Variants in PXDNL observed in about 807,000 individuals in gnomAD.
The protein encoded by PXDNL is peroxidasin like, also known as probable oxidoreductase PXDNL.
A neutral mutation model predicts 150.8 loss-of-function variants in PXDNL; 145 were observed. That is an observed-to-expected ratio of 0.96 (90% CI 0.84 to 1.10). The LOEUF (loss-of-function observed/expected upper bound fraction) is 1.10, where lower values mean the gene tolerates loss of function less well. PXDNL is among the 50% of genes least tolerant of loss of function. PXDNL has a pLI of 0.00. For synonymous variants in PXDNL, 757 were observed against 725.7 expected (o/e 1.04, Z -0.69); for missense variants, 2,087 against 1,873.9 (o/e 1.11, Z -2.10).
At chr8:51,668,413 G>T (rs1195244722) in intron 1 of PXDNL, among the ~76,000 whole-genome samples, 20 of 151,994 alleles carry the variant, frequency 1.3e-4, no homozygotes, top group Admixed American at 1.3e-3. Flanking sequence ...GACCTCAAGT[G>T]ATCCAGCTGC....
At chr8:51,481,918 C>A (rs1029380019) in intron 6 of PXDNL, among the ~76,000 whole-genome samples, 3 of 152,192 alleles carry the variant, frequency 2.0e-5, no homozygotes, top group African/African-American at 7.2e-5. Flanking sequence ...TCATGGAGAA[C>A]CTCTGCCAGG....
At chr8:51,327,013 A>G (rs1805518909) in intron 21 of PXDNL, among the ~76,000 whole-genome samples, 1 of 152,180 alleles carries the variant, frequency 6.6e-6, no homozygotes, top group Non-Finnish European at 1.5e-5. Context: ...ACAGAGATCT[A>G]CAAGCCAAAA....
chr8:51,460,229 A>G (rs1365675426), intron 8 of PXDNL, among the ~76,000 whole-genome samples: 1 of 151,402 alleles, frequency 6.6e-6, no homozygotes, highest in South Asian at 2.1e-4. Flanking sequence ...AGCCTGGGCA[A>G]CAGAGTGAGA....
At chr8:51,679,564 A>G (rs962580485) in intron 1 of PXDNL, among the ~76,000 whole-genome samples, 1 of 152,224 alleles carries the variant, frequency 6.6e-6, no homozygotes, top group Non-Finnish European at 1.5e-5. Flanking sequence ...ATCTACTATT[A>G]GTAGTAGTAT....
At position 51,788,595 on chromosome 8, in the gene PXDNL, G is replaced by A. The variant is rs530843547; in HGVS notation, c.164+20586C>T. On this transcript the variant is annotated intron_variant, in intron 1 of 22. Transcript: ENST00000356297. ...CAGACATCTTTGTAGTAGGGAGTCTGGAATCTCTCTCAGGGCTCCCTCTTT... is the reference window on the plus strand; with the variant it reads ...CAGACATCTTTGTAGTAGGGAGTCTAGAATCTCTCTCAGGGCTCCCTCTTT... 3.3e-5 allele frequency among the ~76,000 whole-genome samples: 5 copies of A among 152,252 alleles called. No individual in the cohort carries two copies. The East Asian group carries it at 7.7e-4, about 24-fold the overall frequency.
At chr8:51,678,965 G>A (rs569440282) in intron 1 of PXDNL, among the ~76,000 whole-genome samples, 2 of 152,130 alleles carry the variant, frequency 1.3e-5, no homozygotes, top group South Asian at 2.1e-4. Context: ...CATGCCTGAC[G>A]TTGTTCTAAG....
At position 51,543,698 on chromosome 8, in the gene PXDNL, G is replaced by A. The variant is rs574043347; in HGVS notation, c.380+13142C>T. On this transcript the variant is annotated intron_variant, in intron 4 of 22. Coordinates refer to ENST00000356297, the MANE Select transcript of PXDNL (RefSeq NM_144651.5). The stretch of plus-strand genomic sequence containing the variant: ...TTGCACTCCAGCCTGGTGACAGAGC[G>A]AGACTCCATATCAAAAAAAAAAAAA... Among the ~76,000 whole-genome samples, 6 of 126,090 alleles carry A rather than the reference G, an allele frequency of 4.8e-5. No homozygotes were observed. In the South Asian group the frequency reaches 7.7e-4, roughly 16 times the overall value. 82.7% of individuals were successfully genotyped at this position (126,090 alleles called of 152,430 possible). A position where few individuals can be genotyped will look rare whatever the true frequency, so the allele number is the denominator to read the frequency against.
At chr8:51,696,790 C>CACACAT in intron 1 of PXDNL, among the ~76,000 whole-genome samples, 1 of 58,214 alleles carries the variant, frequency 1.7e-5, no homozygotes, top group Admixed American at 1.9e-4. Context: ...CACATACCCA[C>CACACAT]CCACACATAG....
At chr8:51,675,439 C>T (rs767693859) in intron 1 of PXDNL, among the ~76,000 whole-genome samples, 5 of 152,068 alleles carry the variant, frequency 3.3e-5, no homozygotes, top group Admixed American at 6.5e-5. Flanking sequence ...ACAACCAAAC[C>T]TACCAGCCCT....
At chr8:51,608,792 G>A (rs1312999616) in intron 2 of PXDNL, among the ~76,000 whole-genome samples, 2 of 133,424 alleles carry the variant, frequency 1.5e-5, no homozygotes, top group Non-Finnish European at 3.0e-5. Context: ...AGCCGAGATT[G>A]CGCCACTGCA....
chr8:51,512,957 A>T (rs1811454582), intron 4 of PXDNL, among the ~76,000 whole-genome samples: 2 of 152,150 alleles, frequency 1.3e-5, no homozygotes, highest in African/African-American at 4.8e-5. Context: ...AGCCCAACCT[A>T]GGTTCTGTTC....
At chr8:51,574,518 T>C (rs185368699) in intron 3 of PXDNL, among the ~76,000 whole-genome samples, 2 of 151,744 alleles carry the variant, frequency 1.3e-5, no homozygotes, top group Admixed American at 6.6e-5. Flanking sequence ...AAAGAAACAA[T>C]GACTGAAAAC....
intron 4 of PXDNL, among the ~76,000 whole-genome samples, chr8:51,526,948 T>C (rs1319648093): frequency 6.6e-6 from 1 of 152,156 alleles, no homozygotes; most frequent in Non-Finnish European, 1.5e-5. Context: ...ATAACCATCA[T>C]TCACCTGGTC....
At position 51,661,205 on chromosome 8, in the gene PXDNL, G is replaced by A. The variant is rs558046239; in HGVS notation, c.165-6445C>T. Among the ~76,000 whole-genome samples the A allele has an allele frequency of 4.6e-5, 7 of 152,248 alleles. No homozygotes were observed. The East Asian group carries it at 1.4e-3, about 29-fold the overall frequency. On this transcript the variant is annotated intron_variant, in intron 1 of 22. Transcript: ENST00000356297. ...ATTCCCAGTCATGTTCCCAGCTGAG[G>A]AAGGCTCCTGAATTTTCTCGAATCT...
chr8:51,479,157 C>T (rs1318191875), intron 6 of PXDNL, among the ~76,000 whole-genome samples: 1 of 152,082 alleles, frequency 6.6e-6, no homozygotes, highest in Non-Finnish European at 1.5e-5. Flanking sequence ...AAAAAAGCTG[C>T]TACTAAGATT....
At chr8:51,422,890 G>A (rs1220022907) in intron 14 of PXDNL, among the ~76,000 whole-genome samples, 1 of 152,182 alleles carries the variant, frequency 6.6e-6, no homozygotes, top group East Asian at 1.9e-4. Flanking sequence ...AACCTCAGCT[G>A]AGTTTCAGTA....
chr8:51,626,668 G>A (rs375953475), intron 2 of PXDNL, among the ~76,000 whole-genome samples: 2 of 152,326 alleles, frequency 1.3e-5, no homozygotes, highest in South Asian at 2.1e-4. Context: ...CCAGAAAAGT[G>A]TAAATACAAC....
intron 4 of PXDNL, among the ~76,000 whole-genome samples, chr8:51,541,517 G>C (rs1812217033): frequency 6.6e-6 from 1 of 152,114 alleles, no homozygotes; most frequent in Non-Finnish European, 1.5e-5. Context: ...TTTTGGCCCA[G>C]GAATTTTTAC....
intron 1 of PXDNL, among the ~76,000 whole-genome samples, chr8:51,698,951 G>C (rs1177266083): frequency 2.0e-5 from 3 of 152,164 alleles, no homozygotes. Flanking sequence ...TGGGCAGTAG[G>C]TCTCAGCAGT....
Sources: allele counts gnomAD v4.1 joint callset (sites outside exome capture counted in the v4.1 genomes callset), GRCh38; gene constraint gnomAD v4.1.1; transcripts MANE v1.5; gene names NCBI Gene and HGNC (gene_info 2026-07-23, HGNC 2026-07-21).